The following FOXN3 variants were observed in gnomAD, a reference collection of about 807,000 sequenced individuals.
The protein encoded by FOXN3 is forkhead box protein N3.
In FOXN3, 7 loss-of-function variants were observed where a neutral mutation model predicts 38.4. The ratio of observed to expected loss-of-function variants is 0.18; its 90% CI spans 0.10 to 0.34. FOXN3 has a LOEUF of 0.34. Among genes scored for constraint, FOXN3 ranks in the 10% least tolerant of loss-of-function variants. FOXN3 has a pLI of 1.00. For synonymous variants in FOXN3, 230 were observed against 242.2 expected (o/e 0.95, Z 0.47); for missense variants, 456 against 613.4 (o/e 0.74, Z 2.71).
intron 1 of FOXN3, among the ~76,000 whole-genome samples, chr14:89,546,121 G>C: frequency 6.6e-6 from 1 of 152,092 alleles, no homozygotes; most frequent in Admixed American, 6.5e-5. Context: ...TGATCAAACT[G>C]TTAGCTCCAA....
At position 89,235,180 on chromosome 14, in the gene FOXN3, G is replaced by A. The variant is rs949404687; in HGVS notation, c.745+45770C>T. Among the ~76,000 whole-genome samples the A allele has an allele frequency of 2.6e-5, 4 of 152,312 alleles. No homozygotes were observed. In the South Asian group the frequency reaches 8.3e-4, roughly 32 times the overall value. ...CCTGCAGGAAGAGAAGAACAGAATG[G>A]AGAGTAATGCCTGATGTTTTGAAAA... On this transcript the variant is annotated intron_variant, in intron 4 of 5. Coordinates refer to ENST00000557258, the MANE Select transcript of FOXN3 (RefSeq NM_005197.4).
intron 2 of FOXN3, among the ~76,000 whole-genome samples, chr14:89,388,099 G>A (rs894701741): frequency 1.1e-4 from 17 of 152,184 alleles, no homozygotes; most frequent in Admixed American, 2.6e-4. Flanking sequence ...CAGGAGAATC[G>A]CTTGAACCCA....
chr14:89,295,892 C>T (rs1339352254), intron 3 of FOXN3, among the ~76,000 whole-genome samples: 1 of 151,426 alleles, frequency 6.6e-6, no homozygotes, highest in Non-Finnish European at 1.5e-5. Flanking sequence ...CCACCATGCC[C>T]GGCCAGGATT....
chr14:89,381,488 C>G (rs1471868977), intron 2 of FOXN3, among the ~76,000 whole-genome samples: 2 of 134,532 alleles, frequency 1.5e-5, no homozygotes, highest in Non-Finnish European at 3.1e-5. Flanking sequence ...GCTGCCAAGT[C>G]TGGCTAGGCC....
chr14:89,461,351 AT>A (rs1892845559), intron 1 of FOXN3, among the ~76,000 whole-genome samples: 1 of 151,698 alleles, frequency 6.6e-6, no homozygotes. Flanking sequence ...AAAAAAAAAA[AT>A]CTCTCAGTCT....
chr14:89,255,001 T>C (rs1285614406), intron 4 of FOXN3, among the ~76,000 whole-genome samples: 1 of 152,012 alleles, frequency 6.6e-6, no homozygotes, highest in Non-Finnish European at 1.5e-5. Flanking sequence ...ATTCCCCCCA[T>C]GAGGATTTCC....
At chr14:89,457,239 G>A (rs968139521) in intron 1 of FOXN3, among the ~76,000 whole-genome samples, 14 of 152,154 alleles carry the variant, frequency 9.2e-5, no homozygotes, top group East Asian at 3.8e-4. Context: ...AGACCTTCAC[G>A]GAGTGCCTGT....
At chr14:89,481,554 G>A (rs1893330692) in intron 1 of FOXN3, among the ~76,000 whole-genome samples, 1 of 152,158 alleles carries the variant, frequency 6.6e-6, no homozygotes, top group African/African-American at 2.4e-5. Flanking sequence ...ACTCAAAAAC[G>A]AGGAGTGAGG....
In FOXN3 at chr14:89,272,852, C is replaced by CA. The variant is rs201555137; in HGVS notation, c.745+8097dup. Reference sequence around the variant, plus strand: ...TGGGCAACAGCGCAAGACTCTGTCTCAAAAAAAAATTAAAATAAAATAAAA... The same window carrying CA: ...TGGGCAACAGCGCAAGACTCTGTCTCAAAAAAAAAATTAAAATAAAATAAAA... On this transcript the variant is annotated intron_variant, in intron 4 of 5. Transcript: ENST00000557258. 5.9e-3 allele frequency among the ~76,000 whole-genome samples: 887 copies of CA among 150,702 alleles called. 9 individuals carry two copies. Among genetic ancestry groups the CA allele is most frequent in the African/African-American group, 0.02 (806 of 41,118 alleles).
At chr14:89,531,007 T>C (rs1403798201) in intron 1 of FOXN3, among the ~76,000 whole-genome samples, 2 of 147,368 alleles carry the variant, frequency 1.4e-5, no homozygotes, top group Non-Finnish European at 3.0e-5. Context: ...ATAATATATA[T>C]ACATATAATA....
intron 2 of FOXN3, among the ~76,000 whole-genome samples, chr14:89,410,873 C>CAA (rs140339817): frequency 7.4e-6 from 1 of 135,734 alleles, no homozygotes; most frequent in African/African-American, 2.7e-5. Context: ...ACCCTGGTCC[C>CAA]AAAAAAAAAG....
intron 1 of FOXN3, among the ~76,000 whole-genome samples, chr14:89,453,328 G>A (rs1156480201): frequency 1.3e-5 from 2 of 151,994 alleles, no homozygotes; most frequent in East Asian, 1.9e-4. Flanking sequence ...AGGCCGAGGC[G>A]GGCAGGTCAT....
chr14:89,439,213 G>A (rs539876952), intron 1 of FOXN3, among the ~76,000 whole-genome samples: 1 of 152,164 alleles, frequency 6.6e-6, no homozygotes, highest in South Asian at 2.1e-4. Context: ...AGCTCTTTGA[G>A]GTAGGTACTC....
At chr14:89,241,849 G>A (rs919204465) in intron 4 of FOXN3, among the ~76,000 whole-genome samples, 1 of 152,114 alleles carries the variant, frequency 6.6e-6, no homozygotes, top group African/African-American at 2.4e-5. Flanking sequence ...CTCTGTTTGG[G>A]GTGTCTATCC....
chr14:89,576,048 G>A (rs1467438063), intron 1 of FOXN3, among the ~76,000 whole-genome samples: 2 of 152,206 alleles, frequency 1.3e-5, no homozygotes, highest in Non-Finnish European at 2.9e-5. Flanking sequence ...CTTGTTTTCA[G>A]CTGTTCCTGA....
chr14:89,291,248 C>G (rs1361755735), intron 3 of FOXN3: 6 of 433,410 alleles, frequency 1.4e-5, no homozygotes, highest in Non-Finnish European at 2.7e-5. Flanking sequence ...CTCGGTTTCT[C>G]TCTTTGAAGG....
chr14:89,346,529 G>T (rs933246428), intron 3 of FOXN3, among the ~76,000 whole-genome samples: 3 of 152,288 alleles, frequency 2.0e-5, no homozygotes, highest in Middle Eastern at 3.4e-3. Flanking sequence ...CTAGACAGGG[G>T]TTATGAGTTT....
At chr14:89,442,928 G>C (rs1428595407) in intron 1 of FOXN3, among the ~76,000 whole-genome samples, 1 of 152,230 alleles carries the variant, frequency 6.6e-6, no homozygotes, top group Non-Finnish European at 1.5e-5. Context: ...AGACCATATA[G>C]CCTGCAAGCC....
chr14:89,417,595 G>C (rs76946830), upstream of FOXN3: 3,231 of 395,750 alleles, frequency 8.2e-3, 89 homozygotes, highest in African/African-American at 0.061. Context: ...CCGGCGCTGC[G>C]CTGCTGGCAA....
Sources: gnomAD v4.1 joint callset for allele counts (sites outside exome capture counted in the v4.1 genomes callset) on GRCh38, gnomAD v4.1.1 for gene constraint, MANE v1.5 for transcripts, NCBI Gene and HGNC (gene_info 2026-07-23, HGNC 2026-07-21) for gene names.